Variants in TNNI3K observed in about 807,000 individuals in gnomAD.
TNNI3K encodes the protein serine/threonine-protein kinase TNNI3K.
In TNNI3K, 140 loss-of-function variants were observed where a neutral mutation model predicts 114.5. The ratio of observed to expected loss-of-function variants is 1.22; its 90% CI spans 1.07 to 1.41. TNNI3K has a LOEUF of 1.41. TNNI3K is among the 40% of genes most tolerant of loss of function. The pLI is 0.00. For synonymous variants in TNNI3K, 347 were observed against 347.5 expected, an observed-to-expected ratio of 1.00 and a Z score of 0.02; for missense variants, 1,125 against 1,007.6, an observed-to-expected ratio of 1.12 and a Z score of -1.58.
chr1:74,313,421 C>T (rs966821308), intron 5 of TNNI3K, among the ~76,000 whole-genome samples: 1 of 152,162 alleles, frequency 6.6e-6, no homozygotes, highest in African/African-American at 2.4e-5. Flanking sequence ...CTGAAGCCAC[C>T]CTAGACTCAT....
At chr1:74,355,915 T>C (rs1169571042) in intron 11 of TNNI3K, among the ~76,000 whole-genome samples, 2 of 152,152 alleles carry the variant, frequency 1.3e-5, no homozygotes, top group South Asian at 2.1e-4. Context: ...AATACAAACA[T>C]ATATATACCT....
intron 5 of TNNI3K, among the ~76,000 whole-genome samples, chr1:74,280,028 C>A (rs1656909980): frequency 7.7e-6 from 1 of 130,624 alleles, no homozygotes; most frequent in African/African-American, 2.9e-5. Flanking sequence ...GGCAAGAAAG[C>A]ACCTTCATAA....
intron 20 of TNNI3K, among the ~76,000 whole-genome samples, chr1:74,444,077 G>A (rs1666514533): frequency 6.6e-6 from 1 of 152,162 alleles, no homozygotes; most frequent in African/African-American, 2.4e-5. Context: ...AAAGCTGGAA[G>A]CATTCCCCTT....
intron 9 of TNNI3K, among the ~76,000 whole-genome samples, chr1:74,350,014 C>A (rs1422700947): frequency 6.6e-6 from 1 of 152,142 alleles, no homozygotes; most frequent in Non-Finnish European, 1.5e-5. Context: ...CTTCTGCTAG[C>A]TTTTGAATGT....
chr1:74,415,405 G>C lies in TNNI3K; in HGVS notation c.1773-20675G>C, dbSNP rs75970728. Among the ~76,000 whole-genome samples, 222 of 152,166 alleles carry C rather than the reference G, an allele frequency of 1.5e-3. 1 individual carries two copies. Among genetic ancestry groups the C allele is most frequent in the African/African-American group, 5.1e-3 (211 of 41,526 alleles). On this transcript the variant is annotated intron_variant, in intron 17 of 24. Transcript: ENST00000326637. ...TCTTCTCATACTATATGTAAATACT[G>C]TGAGTATAGAGATTTATGTATTTTG... is the stretch of plus-strand genomic sequence containing the variant.
At chr1:74,358,706 T>C (rs1200861848) in intron 11 of TNNI3K, among the ~76,000 whole-genome samples, 1 of 152,068 alleles carries the variant, frequency 6.6e-6, no homozygotes, top group East Asian at 1.9e-4. Flanking sequence ...CATGTGTGAA[T>C]TTTTGTTTTC....
At chr1:74,427,604 C>A (rs1175213234) in intron 17 of TNNI3K, among the ~76,000 whole-genome samples, 2 of 151,918 alleles carry the variant, frequency 1.3e-5, no homozygotes, top group South Asian at 2.1e-4. Context: ...CTCCCTTTCT[C>A]AATTTTAAAT....
intron 23 of TNNI3K, among the ~76,000 whole-genome samples, chr1:74,503,503 C>A (rs1013528316): frequency 2.6e-5 from 4 of 152,134 alleles, no homozygotes; most frequent in Non-Finnish European, 5.9e-5. Context: ...CTCAGTGACA[C>A]TGTTGACTTA....
chr1:74,387,781 T>G (rs537320310), intron 17 of TNNI3K, among the ~76,000 whole-genome samples: 1 of 152,316 alleles, frequency 6.6e-6, no homozygotes, highest in South Asian at 2.1e-4. Context: ...AAACATCAAT[T>G]TTTTCATTAT....
chr1:74,478,399 AT>A (rs1468862794), intron 21 of TNNI3K, among the ~76,000 whole-genome samples: 7 of 152,198 alleles, frequency 4.6e-5, no homozygotes, highest in African/African-American at 1.2e-4. Context: ...TAGAATTTGT[AT>A]TCATCTCAAT....
rs145021022 is a variant in TNNI3K, at chr1:74,434,215, A to G, written c.1773-1865A>G. Among the ~76,000 whole-genome samples the G allele has an allele frequency of 2.4e-4, 36 of 152,108 alleles. No homozygotes were observed. In the East Asian group the frequency reaches 6.8e-3, roughly 29 times the overall value. ...TTCTCTAATTTCAAATTCCCTAGCA[A>G]TTCAACACCACTTTCACCCAAATAT... On this transcript the variant is annotated intron_variant, in intron 17 of 24. Transcript: ENST00000326637.
At chr1:74,441,190 T>G (rs2100673302) in intron 20 of TNNI3K, among the ~76,000 whole-genome samples, 1 of 152,234 alleles carries the variant, frequency 6.6e-6, no homozygotes, top group African/African-American at 2.4e-5. Flanking sequence ...GCAATCAAGA[T>G]GTATAACATT....
chr1:74,361,635 C>T (rs1308383872), intron 11 of TNNI3K, among the ~76,000 whole-genome samples: 1 of 151,670 alleles, frequency 6.6e-6, no homozygotes, highest in Non-Finnish European at 1.5e-5. Flanking sequence ...AGCAAGAAAG[C>T]AAATAGAAAA....
At chr1:74,446,293 A>T (rs1666670044) in intron 20 of TNNI3K, among the ~76,000 whole-genome samples, 1 of 148,836 alleles carries the variant, frequency 6.7e-6, no homozygotes, top group Admixed American at 6.7e-5. Context: ...ATGGCCAGTG[A>T]TGATGAGCAT....
At chr1:74,518,456 G>A (rs1371425228) in intron 23 of TNNI3K, among the ~76,000 whole-genome samples, 1 of 152,082 alleles carries the variant, frequency 6.6e-6, no homozygotes, top group Non-Finnish European at 1.5e-5. Context: ...ACTCTTGGTT[G>A]CTTCTGAGAT....
chr1:74,468,850 T>G (rs1296189619), intron 21 of TNNI3K: 2 of 152,134 alleles, frequency 1.3e-5, no homozygotes, highest in African/African-American at 4.8e-5. Context: ...GCTTCAAATA[T>G]TTTTTACAGT....
At position 74,392,077 on chromosome 1, in the gene TNNI3K, T is replaced by C. The variant is rs1463360724; in HGVS notation, c.1772+21685T>C. ...GCCTCCCGGGTTCACGCCATTCTCC[T>C]GCCTCAGCCTCCCAAGTTGACTTCA... On this transcript the variant is annotated intron_variant, in intron 17 of 24. Transcript: ENST00000326637. Among the ~76,000 whole-genome samples, 27 of 149,460 alleles carry C rather than the reference T, an allele frequency of 1.8e-4. No homozygotes were observed. In the Admixed American group the frequency reaches 1.8e-3, roughly 10 times the overall value.
intron 21 of TNNI3K, chr1:74,471,338 T>C (rs1319635657): frequency 2.2e-5 from 9 of 400,574 alleles, no homozygotes; most frequent in Admixed American, 8.8e-5. Flanking sequence ...ACAGTATTTA[T>C]TTTGGCTTCT....
chr1:74,386,672 G>A (rs1449513858), intron 17 of TNNI3K, among the ~76,000 whole-genome samples: 3 of 152,084 alleles, frequency 2.0e-5, no homozygotes, highest in Non-Finnish European at 4.4e-5. Context: ...TCAAATAACT[G>A]GTCTGTGAAA....
Sources: gnomAD v4.1 joint callset for allele counts (sites outside exome capture counted in the v4.1 genomes callset) on GRCh38, gnomAD v4.1.1 for gene constraint, MANE v1.5 for transcripts, NCBI Gene and HGNC (gene_info 2026-07-23, HGNC 2026-07-21) for gene names.